FSAF1: variants seen among roughly 807,000 people sequenced by gnomAD.
FSAF1 encodes uncharacterized protein C1orf131.
At chr1:231,227,408 A>G in the FSAF1 span, among the ~76,000 whole-genome samples, 4 of 152,066 alleles carry the variant, frequency 2.6e-5, no homozygotes, top group East Asian at 7.7e-4. Flanking sequence ...AGTAGCTAGG[A>G]CTATAGGCAC....
the FSAF1 span, chr1:231,229,177 C>T: frequency 1.3e-6 from 2 of 1,583,666 alleles, no homozygotes; most frequent in Non-Finnish European, 1.7e-6. Flanking sequence ...CTTGTGTATC[C>T]ACATCTCTCT....
the FSAF1 span, chr1:231,227,094 G>T: frequency 1.9e-6 from 3 of 1,608,892 alleles, no homozygotes; most frequent in East Asian, 6.7e-5. Context: ...ATAATCAGAC[G>T]CAAGTGCATT....
At chr1:231,241,050 G>A in the FSAF1 span, 14 of 1,614,146 alleles carry the variant, frequency 8.7e-6, no homozygotes, top group South Asian at 1.5e-4. Context: ...CTGGAGCAGA[G>A]CGTCAAGAAG....
chr1:231,228,767 A>G, the FSAF1 span, among the ~76,000 whole-genome samples: 211 of 152,280 alleles, frequency 1.4e-3, no homozygotes, highest in Middle Eastern at 6.8e-3. Context: ...TGGGTGGATA[A>G]CCTGAGGTCA....
At chr1:231,225,748 G>A in the FSAF1 span, 1 of 538,034 alleles carries the variant, frequency 1.9e-6, no homozygotes, top group South Asian at 2.2e-5. Context: ...TAGCACTCCA[G>A]GAAGCCAAGG....
chr1:231,241,010 G>A, the FSAF1 span: 1 of 1,608,558 alleles, frequency 6.2e-7, no homozygotes, highest in East Asian at 2.2e-5. Context: ...GGGCTCCTGG[G>A]ACCCCGCACT....
At chr1:231,236,372 T>G in the FSAF1 span, among the ~76,000 whole-genome samples, 1 of 148,684 alleles carries the variant, frequency 6.7e-6, no homozygotes, top group African/African-American at 2.5e-5. Flanking sequence ...AGGACACATT[T>G]AAAAAAAAAA....
chr1:231,224,302 T>C, the FSAF1 span: 1 of 1,611,518 alleles, frequency 6.2e-7, no homozygotes. Context: ...CTGGAAGAAT[T>C]TATTTTCTTG....
chr1:231,225,174 C>T, the FSAF1 span: 6 of 463,954 alleles, frequency 1.3e-5, no homozygotes, highest in African/African-American at 5.8e-5. Flanking sequence ...ACCCAGACTA[C>T]GCTGCTGTAG....
the FSAF1 span, among the ~76,000 whole-genome samples, chr1:231,230,699 C>A: frequency 6.6e-6 from 1 of 152,198 alleles, no homozygotes; most frequent in Admixed American, 6.5e-5. Flanking sequence ...CAGCCCCCAC[C>A]ACTGTATTTA....
the FSAF1 span, chr1:231,239,056 C>T: frequency 6.2e-7 from 1 of 1,614,210 alleles, no homozygotes. Context: ...AGCGCTCTTC[C>T]TCTGGCCTCT....
the FSAF1 span, among the ~76,000 whole-genome samples, chr1:231,240,208 C>T: frequency 2.8e-4 from 43 of 152,186 alleles, no homozygotes; most frequent in South Asian, 1.0e-3. This position sits in a 1 kb window ranked among gnomAD's most constrained non-coding sequence, Gnocchi z 4.1. Flanking sequence ...AGCAAATACA[C>T]GAAAAGCATG....
the FSAF1 span, chr1:231,236,626 C>G: frequency 6.6e-6 from 1 of 152,118 alleles, no homozygotes; most frequent in Non-Finnish European, 1.5e-5. Flanking sequence ...AGAAAACTTT[C>G]CATTCCAGAA....
At chr1:231,238,904 T>G in the FSAF1 span, 1 of 1,614,194 alleles carries the variant, frequency 6.2e-7, no homozygotes. Flanking sequence ...TTTTTATTGC[T>G]GTGAAATTCT....
At chr1:231,226,819 T>C in the FSAF1 span, 3 of 1,605,264 alleles carry the variant, frequency 1.9e-6, no homozygotes, top group Non-Finnish European at 2.6e-6. Context: ...TAACTCTTTT[T>C]AGGAGGCTGT....
chr1:231,227,155 T>A, the FSAF1 span: 1 of 1,345,562 alleles, frequency 7.4e-7, no homozygotes, highest in Non-Finnish European at 1.1e-6. Context: ...GCATTTCAGA[T>A]CCACCGCTCT....
the FSAF1 span, chr1:231,238,224 C>T: frequency 1.1e-3 from 168 of 152,334 alleles, no homozygotes; most frequent in African/African-American, 3.8e-3. Flanking sequence ...GCAACCACAC[C>T]TCCCTTGGGG....
At chr1:231,231,909 C>T in the FSAF1 span, among the ~76,000 whole-genome samples, 1 of 152,284 alleles carries the variant, frequency 6.6e-6, no homozygotes, top group East Asian at 1.9e-4. Flanking sequence ...AGCTCTGGCA[C>T]AGACACAGAT....
the FSAF1 span, among the ~76,000 whole-genome samples, chr1:231,235,204 T>G: frequency 2.0e-5 from 3 of 152,182 alleles, no homozygotes; most frequent in African/African-American, 7.2e-5. Context: ...GTCACTACAT[T>G]AAAAATGGGA....
Sources: gnomAD v4.1 joint callset for allele counts (sites outside exome capture counted in the v4.1 genomes callset) on GRCh38, gnomAD v4.1.1 for gene constraint, Gnocchi (gnomAD v3.1) non-coding constraint, MANE v1.5 for transcripts, NCBI Gene and HGNC (gene_info 2026-07-23, HGNC 2026-07-21) for gene names.